Variants in RSPO4 observed in about 807,000 individuals in gnomAD.
The protein encoded by RSPO4 is R-spondin 4.
Under a neutral mutation model 24.8 loss-of-function variants are expected in RSPO4, and 23 were observed. That is an observed-to-expected ratio of 0.93 (90% CI 0.67 to 1.31). RSPO4 has a LOEUF of 1.31. Among genes scored for constraint, RSPO4 ranks in the 40% most tolerant of loss-of-function variants. The pLI is 0.00. For missense variants in RSPO4, 333 were observed against 316.5 expected (o/e 1.05, Z -0.39); for synonymous variants, 141 against 127.4 (o/e 1.11, Z -0.72).
At chr20:972,092 T>A (rs995352110) in intron 1 of RSPO4, among the ~76,000 whole-genome samples, 2 of 152,174 alleles carry the variant, frequency 1.3e-5, no homozygotes, top group Non-Finnish European at 2.9e-5. Flanking sequence ...TGAGGCAAGG[T>A]CTTGCTCTGC....
At chr20:967,417 T>C in intron 2 of RSPO4, 103 bp from the exon 3 acceptor site, 3 of 1,283,306 alleles carry the variant, frequency 2.3e-6, no homozygotes, top group Non-Finnish European at 3.4e-6. Context: ...CCAGGCTTGG[T>C]AGCATTTGGG....
chr20:979,439 G>A (rs556747343), intron 1 of RSPO4, among the ~76,000 whole-genome samples: 3 of 152,326 alleles, frequency 2.0e-5, no homozygotes, highest in South Asian at 4.1e-4. Context: ...CCTCCAAGAT[G>A]TCTAGCTGAA....
At position 973,439 on chromosome 20, in the gene RSPO4, ATTTGTTT is replaced by A. The variant is rs1203327519; in HGVS notation, c.80-5308_80-5302del. On this transcript the variant is annotated intron_variant, in intron 1 of 4. Transcript: ENST00000217260. ...AGTCCTCAGTTAGAGTTATAGCACT[ATTTGTTT>A]TTTGTTTGTTTTATTGTTTGTTTGT... 2.8e-5 allele frequency among the ~76,000 whole-genome samples: 4 copies of A among 144,248 alleles called. No individual in the cohort carries two copies. In the Admixed American group the frequency reaches 2.8e-4, roughly 10 times the overall value. The allele number at this position is 144,248 out of a possible 152,430, so 94.6% of individuals were successfully genotyped here. A position where few individuals can be genotyped will look rare whatever the true frequency, so the allele number is the denominator to read the frequency against.
rs530772230 is a variant in RSPO4, at chr20:975,007, T to A, written c.80-6869A>T. 2.6e-5 allele frequency among the ~76,000 whole-genome samples: 4 copies of A among 152,118 alleles called. No homozygotes were observed. In the East Asian group the frequency reaches 7.7e-4, roughly 29 times the overall value. The stretch of plus-strand genomic sequence containing the variant: ...CACGGGCTCCTTGAGACAGAAAAAA[T>A]TTCTGACTGCCTCCCAGTCCTTCCC... On this transcript the variant is annotated intron_variant, in intron 1 of 4. Coordinates refer to ENST00000217260, the MANE Select transcript of RSPO4 (RefSeq NM_001029871.4).
At chr20:976,773 C>T (rs188916947) in intron 1 of RSPO4, among the ~76,000 whole-genome samples, 100 of 152,160 alleles carry the variant, frequency 6.6e-4, no homozygotes, top group African/African-American at 2.3e-3. Context: ...TTCCTTAATA[C>T]CCAAGCCAGA....
chr20:970,059 CT>C lies in RSPO4; in HGVS notation c.80-1922del, dbSNP rs764712683. ...TGAAACACATCCTGGCACCTTCCCC[CT>C]GGAACAGAAACCAAAAGAGTTCTGG... On this transcript the variant is annotated intron_variant, in intron 1 of 4. Coordinates refer to ENST00000217260, the MANE Select transcript of RSPO4 (RefSeq NM_001029871.4). The surrounding 1 kb of genome is among the most constrained non-coding windows in gnomAD (Gnocchi z 4.1). Among the ~76,000 whole-genome samples the C allele has an allele frequency of 6.6e-6, 1 of 152,160 alleles. No homozygotes were observed. The highest frequency in any genetic ancestry group is 2.4e-5 in the African/African-American group (1 of 41,432).
At chr20:973,804 T>C (rs1391561637) in intron 1 of RSPO4, among the ~76,000 whole-genome samples, 1 of 151,680 alleles carries the variant, frequency 6.6e-6, no homozygotes, top group African/African-American at 2.4e-5. Context: ...TTAGCATCCT[T>C]CAATACCCTG....
intron 1 of RSPO4, among the ~76,000 whole-genome samples, chr20:983,120 A>G (rs991339448): frequency 4.6e-5 from 7 of 152,208 alleles, no homozygotes; most frequent in African/African-American, 9.6e-5. Flanking sequence ...CAGGTTTTGA[A>G]GTTTGTTCTG....
intron 3 of RSPO4, among the ~76,000 whole-genome samples, chr20:965,907 T>G (rs1459138453): frequency 6.6e-6 from 1 of 152,186 alleles, no homozygotes; most frequent in Admixed American, 6.5e-5. Context: ...GATGCTCTAG[T>G]AGATATTTTC....
At chr20:999,540 T>C (rs544770745) in intron 1 of RSPO4, among the ~76,000 whole-genome samples, 12 of 152,256 alleles carry the variant, frequency 7.9e-5, no homozygotes, top group African/African-American at 2.6e-4. Flanking sequence ...GGTCACATGA[T>C]ACAACTGGGT....
intron 4 of RSPO4, 82 bp downstream of exon 4, chr20:963,853 A>G: frequency 7.2e-7 from 1 of 1,386,624 alleles, no homozygotes; most frequent in Non-Finnish European, 1.0e-6. Context: ...CATAGATACT[A>G]TTTGTGGGGC....
chr20:995,018 C>A (rs544612903), intron 1 of RSPO4, among the ~76,000 whole-genome samples: 1 of 152,206 alleles, frequency 6.6e-6, no homozygotes, highest in South Asian at 2.1e-4. Flanking sequence ...TCAAGTTTTG[C>A]CTTCACCGCT....
rs1984090653 is a variant in RSPO4 at position 963,935 on chromosome 20, C to T, written c.595G>A (p.Glu199Lys). 1.2e-6 allele frequency: 2 copies of T among 1,613,734 alleles called. No individual in the cohort carries two copies. The highest frequency in any genetic ancestry group is 1.7e-6 in the Non-Finnish European group (2 of 1,180,034). ...CTCGTGTGCCTGTCCTGGGGCTCAC[C>T]TCCTGGGCAGGGCCTCTGGATGGGA... ...KCPIQRPCPG[E>K]RSPGQKKGRK... The change falls in exon 4 of 5, where the codon GAG becomes AAG. Residue 199 changes from glutamate to lysine, a missense_variant and splice_region_variant. Physicochemically the swap from Glu to Lys is moderately conservative, Grantham distance 56. Transcript: ENST00000217260.
At chr20:995,562 C>T (rs374771010) in intron 1 of RSPO4, among the ~76,000 whole-genome samples, 4 of 152,126 alleles carry the variant, frequency 2.6e-5, no homozygotes, top group African/African-American at 9.7e-5. Flanking sequence ...AAAATCCACA[C>T]ACCTGGGGAA....
rs1374277431 is a variant in RSPO4 at position 1,000,034 on chromosome 20, A to G, written c.79+2052T>C. On this transcript the variant is annotated intron_variant, in intron 1 of 4. Coordinates refer to ENST00000217260, the MANE Select transcript of RSPO4 (RefSeq NM_001029871.4). ...CAGGCGCCCGCCACCACACCCAGCT[A>G]ATCATTGTATTTTTAGTAAAGACAG... is the stretch of plus-strand genomic sequence containing the variant. Among the ~76,000 whole-genome samples the G allele has an allele frequency of 5.3e-5, 8 of 152,008 alleles. No homozygotes were observed. In the East Asian group the frequency reaches 1.6e-3, roughly 30 times the overall value.
intron 1 of RSPO4, among the ~76,000 whole-genome samples, chr20:979,291 C>T (rs1357860607): frequency 6.6e-6 from 1 of 152,196 alleles, no homozygotes; most frequent in South Asian, 2.1e-4. Context: ...ACTTGCTCTT[C>T]CTTTTGTCTG....
At chr20:968,616 A>G (rs1984310485) in intron 1 of RSPO4, among the ~76,000 whole-genome samples, 1 of 152,224 alleles carries the variant, frequency 6.6e-6, no homozygotes, top group Non-Finnish European at 1.5e-5. Flanking sequence ...AATCACTGTT[A>G]TTTGAAGTTT....
Position 988,991 on chromosome 20 carries a change from T to C in RSPO4, c.79+13095A>G, listed in dbSNP as rs1304723525. On this transcript the variant is annotated intron_variant, in intron 1 of 4. Coordinates refer to ENST00000217260, the MANE Select transcript of RSPO4 (RefSeq NM_001029871.4). ...TGATTCCTTGACCTCTTGTTGCCTC[T>C]TGACTTTTGCAGCTGCTGGGATGAA... Among the ~76,000 whole-genome samples, 6 of 152,300 alleles carry C rather than the reference T, an allele frequency of 3.9e-5. No homozygotes were observed. In the East Asian group the frequency reaches 9.6e-4, roughly 24 times the overall value.
intron 1 of RSPO4, among the ~76,000 whole-genome samples, chr20:984,263 T>C (rs1984832531): frequency 6.6e-6 from 1 of 152,042 alleles, no homozygotes; most frequent in Admixed American, 6.6e-5. Flanking sequence ...CACTTGAACC[T>C]GGGCAGCAGA....
Sources: allele counts gnomAD v4.1 joint callset (sites outside exome capture counted in the v4.1 genomes callset), GRCh38; gene constraint gnomAD v4.1.1; non-coding constraint Gnocchi (gnomAD v3.1); transcripts MANE v1.5; gene names NCBI Gene and HGNC (gene_info 2026-07-23, HGNC 2026-07-21).